Variants in DOP1A observed in about 807,000 individuals in gnomAD.
DOP1A encodes protein DOP1A.
Under a neutral mutation model 267.6 loss-of-function variants are expected in DOP1A, and 90 were observed. The observed-to-expected ratio is 0.34, with a 90% CI of 0.28 to 0.40. The LOEUF (loss-of-function observed/expected upper bound fraction) is 0.40, where lower values mean the gene tolerates loss of function less well. DOP1A is among the 10% of genes least tolerant of loss of function. The probability of loss-of-function intolerance (pLI) is 1.00; values close to 1 mark genes in which losing one functional copy is unlikely to be tolerated. For missense variants in DOP1A, 2,437 were observed against 2,900.4 expected, an observed-to-expected ratio of 0.84 and a Z score of 3.67; for synonymous variants, 932 against 999.1, an observed-to-expected ratio of 0.93 and a Z score of 1.27.
chr6:83,111,780 G>A (rs565129340), intron 6 of DOP1A, among the ~76,000 whole-genome samples: 4 of 152,156 alleles, frequency 2.6e-5, no homozygotes, highest in South Asian at 4.1e-4. Flanking sequence ...AACCCTTGTC[G>A]TATATATGAT....
chr6:83,137,464 A>C lies in DOP1A; in HGVS notation c.3422A>C (p.Lys1141Thr), dbSNP rs1384994806. Residue 1141 changes from lysine (K) to threonine (T), a missense_variant, in exon 21 of 39, where the codon AAG becomes ACG. Lys to Thr is a moderately conservative substitution (Grantham distance 78, BLOSUM62 -1). Around this residue, in one of 9 missense-constraint regions of DOP1A, gnomAD observed 878 missense variants for 992.9 expected, o/e 0.88. Transcript: ENST00000349129. ...GCCCAAGAGGATTCTCAAATGCCCA[A>C]GGAAAGCTCCCCAGATGATGATGTT... Reference protein sequence around the residue: ...VNAQEDSQMPKESSPDDDVQQ... With the variant: ...VNAQEDSQMPTESSPDDDVQQ... 6.2e-7 allele frequency: 1 copy of C among 1,613,822 alleles called. No individual in the cohort carries two copies. Among genetic ancestry groups the C allele is most frequent in the East Asian group, 2.2e-5 (1 of 44,848 alleles).
At position 83,082,025 on chromosome 6, in the gene DOP1A, G is replaced by A. The variant is rs539930500; in HGVS notation, c.-147+14246G>A. Among the ~76,000 whole-genome samples, 290 of 152,186 alleles carry A rather than the reference G, an allele frequency of 1.9e-3. 1 individual carries two copies. The highest frequency in any genetic ancestry group is 6.7e-3 in the African/African-American group (280 of 41,524). On this transcript the variant is annotated intron_variant, in intron 1 of 38. Coordinates refer to ENST00000349129, the MANE Select transcript of DOP1A (RefSeq NM_015018.4). Reference sequence around the variant, plus strand: ...ATTGCTGTTATCAAAAAGACAAAAGGTAAGTGTTAGAGAGGATGTGGAGAA... The same window carrying A: ...ATTGCTGTTATCAAAAAGACAAAAGATAAGTGTTAGAGAGGATGTGGAGAA...
chr6:83,092,153 T>G lies in DOP1A; in HGVS notation c.-146-4578T>G, dbSNP rs189991670. Among the ~76,000 whole-genome samples the G allele has an allele frequency of 6.6e-5, 10 of 152,132 alleles. No individual in the cohort carries two copies. The East Asian group carries it at 1.7e-3, about 26-fold the overall frequency. On this transcript the variant is annotated intron_variant, in intron 1 of 38. Coordinates refer to ENST00000349129, the MANE Select transcript of DOP1A (RefSeq NM_015018.4). Reference sequence around the variant, plus strand: ...TACAGGTATTGCTTTGTGTGTATGCTGTGTGTGTGTGTTTATGGTTAAATC... The same window carrying G: ...TACAGGTATTGCTTTGTGTGTATGCGGTGTGTGTGTGTTTATGGTTAAATC...
At chr6:83,099,004 G>A (rs969643366) in intron 3 of DOP1A, among the ~76,000 whole-genome samples, 2 of 151,982 alleles carry the variant, frequency 1.3e-5, no homozygotes, top group South Asian at 2.1e-4. Flanking sequence ...ATTTTGTTAC[G>A]GCCAGCTCCG....
At chr6:83,140,858 T>C (rs1779524448) in intron 23 of DOP1A, among the ~76,000 whole-genome samples, 1 of 152,114 alleles carries the variant, frequency 6.6e-6, no homozygotes, top group Non-Finnish European at 1.5e-5. Context: ...ATACATGTTA[T>C]AACTTTATTC....
Position 83,129,294 on chromosome 6 carries a change from G to A in DOP1A, c.2127G>A (p.Gly709=), listed in dbSNP as rs1349891210. The A allele has an allele frequency of 3.1e-6, 5 of 1,608,730 alleles. No homozygotes were observed. Among genetic ancestry groups the A allele is most frequent in the Non-Finnish European group, 4.2e-6 (5 of 1,178,148 alleles). The part of the protein sequence containing the change: ...FSQSLATEHQ[G]DLGREQGETS... ...AGTCTTTGGCTACAGAACATCAAGG[G>A]GATCTTGGTCGAGAACAAGGAGAGA... The change falls in exon 16 of 39, where the codon GGG becomes GGA. Residue 709 remains glycine, a synonymous_variant. Transcript: ENST00000349129.
intron 26 of DOP1A, among the ~76,000 whole-genome samples, chr6:83,147,713 TA>T (rs1322155592): frequency 6.6e-6 from 1 of 152,186 alleles, no homozygotes; most frequent in African/African-American, 2.4e-5. Context: ...CATCCTCCTT[TA>T]TAAGATAATT....
intron 1 of DOP1A, among the ~76,000 whole-genome samples, chr6:83,078,339 G>C (rs1249398977): frequency 6.6e-6 from 1 of 152,194 alleles, no homozygotes; most frequent in Non-Finnish European, 1.5e-5. Context: ...GAGCTTTCCA[G>C]GGATTATCAA....
At chr6:83,151,498 C>A (rs1583129058) in intron 27 of DOP1A, 95 bp from the exon 28 acceptor site, 3 of 857,686 alleles carry the variant, frequency 3.5e-6, no homozygotes, top group Non-Finnish European at 5.3e-6. Flanking sequence ...GAAATCAAGA[C>A]CATTAAGCCG....
At chr6:83,103,185 A>G (rs1772916235) in intron 4 of DOP1A, among the ~76,000 whole-genome samples, 1 of 152,252 alleles carries the variant, frequency 6.6e-6, no homozygotes, top group African/African-American at 2.4e-5. Flanking sequence ...TGGCATTCAC[A>G]GTAACCTGAA....
chr6:83,133,710 A>G (rs1778434267), intron 18 of DOP1A, among the ~76,000 whole-genome samples: 1 of 152,224 alleles, frequency 6.6e-6, no homozygotes, highest in African/African-American at 2.4e-5. Flanking sequence ...ATTTTTAAGT[A>G]TTTAAATTTT....
At chr6:83,090,705 G>A (rs1037604290) in intron 1 of DOP1A, among the ~76,000 whole-genome samples, 1 of 152,078 alleles carries the variant, frequency 6.6e-6, no homozygotes, top group African/African-American at 2.4e-5. Context: ...TGGATTTGGT[G>A]GAAATACTGA....
At chr6:83,150,913 A>G (rs1359176173) in intron 27 of DOP1A, among the ~76,000 whole-genome samples, 1 of 152,146 alleles carries the variant, frequency 6.6e-6, no homozygotes, top group Admixed American at 6.5e-5. Flanking sequence ...ATCATTACAA[A>G]CCCAAATTAA....
chr6:83,168,916 T>A, downstream of DOP1A: 1 of 1,085,148 alleles, frequency 9.2e-7, no homozygotes, highest in Non-Finnish European at 1.1e-6. Flanking sequence ...GAGTTGGTAA[T>A]AAGATTTAAT....
rs1259837207 is a variant in DOP1A, at chr6:83,129,210, C to G, written c.2043C>G (p.Val681=). ...CAATGCAGTGCTGCTTGGAGTATGT[C>G]CAACAGTTTCTTACCAGACTTATCA... ...KTAMQCCLEY[V]QQFLTRLINL... Residue 681 remains valine, a synonymous_variant, in exon 16 of 39, where the codon GTC becomes GTG. Coordinates refer to ENST00000349129, the MANE Select transcript of DOP1A (RefSeq NM_015018.4). 2 of 1,613,348 alleles carry G rather than the reference C, an allele frequency of 1.2e-6. No individual in the cohort carries two copies. Among genetic ancestry groups the G allele is most frequent in the Non-Finnish European group, 1.7e-6 (2 of 1,179,706 alleles).
At chr6:83,154,505 T>A (rs1180493604) in intron 33 of DOP1A, among the ~76,000 whole-genome samples, 2 of 152,214 alleles carry the variant, frequency 1.3e-5, no homozygotes, top group Non-Finnish European at 2.9e-5. Context: ...GAAGGGTCCA[T>A]GTCTAATTTG....
At chr6:83,092,562 C>G (rs1016902759) in intron 1 of DOP1A, among the ~76,000 whole-genome samples, 19 of 115,748 alleles carry the variant, frequency 1.6e-4, no homozygotes, top group South Asian at 3.8e-4. Flanking sequence ...TCCCTCCCCC[C>G]CCCCCCACCA....
chr6:83,101,279 G>A lies in DOP1A; in HGVS notation c.320+393G>A, dbSNP rs7767621. 7.6e-3 allele frequency among the ~76,000 whole-genome samples: 1,151 copies of A among 152,326 alleles called. 6 individuals carry two copies. The highest frequency in any genetic ancestry group is 8.5e-3 in the Non-Finnish European group (576 of 68,036). ...GATCCGCCTGCCTCTGCCTCCCAAAGTGCTGGGATTACAGGCATAAGCCAC... is the reference window on the plus strand; with the variant it reads ...GATCCGCCTGCCTCTGCCTCCCAAAATGCTGGGATTACAGGCATAAGCCAC... On this transcript the variant is annotated intron_variant, in intron 4 of 38. Transcript: ENST00000349129.
chr6:83,096,256 A>G (rs1562289622), intron 1 of DOP1A, among the ~76,000 whole-genome samples: 3 of 150,420 alleles, frequency 2.0e-5, no homozygotes, highest in African/African-American at 7.4e-5. Flanking sequence ...GCTAATTTTT[A>G]TTTTTTTTAG....
Sources: gnomAD v4.1 joint callset for allele counts (sites outside exome capture counted in the v4.1 genomes callset) on GRCh38, gnomAD v4.1.1 for gene constraint, gnomAD v4.1.1 regional missense constraint, MANE v1.5 for transcripts, NCBI Gene and HGNC (gene_info 2026-07-23, HGNC 2026-07-21) for gene names.